CCSER1: variants seen among roughly 807,000 people sequenced by gnomAD.
CCSER1 encodes the protein serine-rich coiled-coil domain-containing protein 1.
In CCSER1, 41 loss-of-function variants were observed where a neutral mutation model predicts 82.0. The observed-to-expected ratio is 0.50, with a 90% CI of 0.39 to 0.65. CCSER1 has a LOEUF of 0.65. Ranked by LOEUF, CCSER1 falls within the 30% of genes least tolerant of loss-of-function variation. CCSER1 has a pLI of 0.00. For synonymous variants in CCSER1, 414 were observed against 383.9 expected, an observed-to-expected ratio of 1.08 and a Z score of -0.92; for missense variants, 1,119 against 1,064.2, an observed-to-expected ratio of 1.05 and a Z score of -0.72.
rs1193013967 is a variant in CCSER1 at position 90,205,395 on chromosome 4, A to G, written c.-42+77564A>G. Among the ~76,000 whole-genome samples, 6 of 152,186 alleles carry G rather than the reference A, an allele frequency of 3.9e-5. No individual in the cohort carries two copies. In the East Asian group the frequency reaches 1.2e-3, roughly 29 times the overall value. On this transcript the variant is annotated intron_variant, in intron 1 of 10. Coordinates refer to ENST00000509176, the MANE Select transcript of CCSER1 (RefSeq NM_001145065.2). ...AATACCTAGTTTATTGAGAGTTTTTAGCATGAAGGGGTGTTGAAGCAGAAA... is the reference window on the plus strand; with the variant it reads ...AATACCTAGTTTATTGAGAGTTTTTGGCATGAAGGGGTGTTGAAGCAGAAA...
chr4:91,056,630 A>G (rs1743471910), intron 9 of CCSER1, among the ~76,000 whole-genome samples: 1 of 152,142 alleles, frequency 6.6e-6, no homozygotes, highest in Non-Finnish European at 1.5e-5. Context: ...TTGGGTGGAG[A>G]CATTCAGATC....
chr4:90,293,819 G>A (rs568149874), intron 1 of CCSER1, among the ~76,000 whole-genome samples: 2 of 151,862 alleles, frequency 1.3e-5, no homozygotes, highest in South Asian at 2.1e-4. Flanking sequence ...TGACAAACTA[G>A]CTTTGAAAGG....
At chr4:91,526,641 A>G (rs893019750) in intron 10 of CCSER1, among the ~76,000 whole-genome samples, 5 of 152,076 alleles carry the variant, frequency 3.3e-5, no homozygotes, top group African/African-American at 7.2e-5. Context: ...GTTTGCTCCT[A>G]TTGCCCAGGC....
intron 1 of CCSER1, among the ~76,000 whole-genome samples, chr4:90,261,353 A>G (rs1724303962): frequency 6.6e-6 from 1 of 152,172 alleles, no homozygotes; most frequent in African/African-American, 2.4e-5. Flanking sequence ...TTCATCATTT[A>G]TGAAGCTAAG....
intron 5 of CCSER1, among the ~76,000 whole-genome samples, chr4:90,620,330 A>G (rs62314384): frequency 0.029 from 4,467 of 152,286 alleles, 90 homozygotes; most frequent in Middle Eastern, 0.068. Flanking sequence ...AGAATTTCAC[A>G]GTCTCTGTGT....
chr4:90,615,339 A>G (rs903277835), intron 5 of CCSER1, among the ~76,000 whole-genome samples: 5 of 152,208 alleles, frequency 3.3e-5, no homozygotes, highest in African/African-American at 1.2e-4. Context: ...TACACGTTGT[A>G]AGGCTAGAGT....
chr4:90,657,028 T>C (rs1729826840), intron 6 of CCSER1, among the ~76,000 whole-genome samples: 1 of 152,062 alleles, frequency 6.6e-6, no homozygotes, highest in Non-Finnish European at 1.5e-5. Context: ...ATATATGCCA[T>C]TTTATTTGAA....
At chr4:90,407,893 AG>A (rs1033160515) in intron 4 of CCSER1, among the ~76,000 whole-genome samples, 24 of 152,256 alleles carry the variant, frequency 1.6e-4, no homozygotes, top group African/African-American at 5.5e-4. Context: ...AGTCAAAGAA[AG>A]GGGTGACAGA....
chr4:90,431,446 T>G (rs186631460), intron 4 of CCSER1, among the ~76,000 whole-genome samples: 15 of 152,128 alleles, frequency 9.9e-5, no homozygotes, highest in African/African-American at 3.1e-4. Context: ...AGAGTCTTAG[T>G]GTGGGGAAAG....
chr4:91,189,777 A>AT (rs1276236478), intron 10 of CCSER1, among the ~76,000 whole-genome samples: 7 of 152,172 alleles, frequency 4.6e-5, no homozygotes, highest in African/African-American at 7.2e-5. Context: ...AGGTATATGG[A>AT]TTTTTTTAAT....
chr4:91,217,204 A>C (rs1486573281), intron 10 of CCSER1, among the ~76,000 whole-genome samples: 2 of 152,126 alleles, frequency 1.3e-5, no homozygotes, highest in Non-Finnish European at 2.9e-5. Flanking sequence ...GGAAAGAACA[A>C]AGCTTCCACA....
rs1009288021 is a variant in CCSER1 at position 91,162,955 on chromosome 4, AT to A, written c.2217+76967del. 5.3e-5 allele frequency among the ~76,000 whole-genome samples: 8 copies of A among 151,282 alleles called. No individual in the cohort carries two copies. In the East Asian group the frequency reaches 1.4e-3, roughly 26 times the overall value. ...CTTCAGTTCTGCTCTGATCTTAGTT[AT>A]TTTTTGCCTTCTGCTCGCTTTTGAA... is the stretch of plus-strand genomic sequence containing the variant. On this transcript the variant is annotated intron_variant, in intron 10 of 10. Transcript: ENST00000509176.
chr4:90,314,673 G>A (rs1295442332), intron 3 of CCSER1, among the ~76,000 whole-genome samples: 1 of 151,826 alleles, frequency 6.6e-6, no homozygotes, highest in Non-Finnish European at 1.5e-5. Flanking sequence ...GATCACTTGG[G>A]TCCAGGAGTT....
chr4:90,547,746 G>T (rs986832757), intron 5 of CCSER1, among the ~76,000 whole-genome samples: 1 of 152,056 alleles, frequency 6.6e-6, no homozygotes, highest in Non-Finnish European at 1.5e-5. Context: ...CTTCGAAAAT[G>T]ATTTCAAATT....
intron 8 of CCSER1, among the ~76,000 whole-genome samples, chr4:90,887,370 A>G (rs1189232789): frequency 6.6e-6 from 1 of 152,142 alleles, no homozygotes; most frequent in Non-Finnish European, 1.5e-5. Context: ...CCTTCTCACC[A>G]TGTGCAAGAA....
intron 7 of CCSER1, among the ~76,000 whole-genome samples, chr4:90,786,893 A>G (rs1158757804): frequency 6.6e-6 from 1 of 152,228 alleles, no homozygotes; most frequent in Non-Finnish European, 1.5e-5. Flanking sequence ...TGAACATCTG[A>G]GTGACCAGCT....
At chr4:90,773,279 C>T (rs981340524) in intron 7 of CCSER1, among the ~76,000 whole-genome samples, 1 of 152,188 alleles carries the variant, frequency 6.6e-6, no homozygotes, top group Non-Finnish European at 1.5e-5. Flanking sequence ...TGTAATACTA[C>T]TGATTGCCCT....
chr4:91,440,624 C>T (rs1267333650), intron 10 of CCSER1, among the ~76,000 whole-genome samples: 2 of 152,036 alleles, frequency 1.3e-5, no homozygotes, highest in Non-Finnish European at 2.9e-5. Context: ...AAAATCAGAG[C>T]AGAACTGAAG....
At chr4:90,848,467 AAGTCT>A (rs1333711355) in intron 8 of CCSER1, among the ~76,000 whole-genome samples, 2 of 152,224 alleles carry the variant, frequency 1.3e-5, no homozygotes, top group African/African-American at 4.8e-5. Context: ...ATAGTGAATG[AAGTCT>A]TTTTTTTCTC....
Sources: gnomAD v4.1 joint callset for allele counts (sites outside exome capture counted in the v4.1 genomes callset) on GRCh38, gnomAD v4.1.1 for gene constraint, MANE v1.5 for transcripts, NCBI Gene and HGNC (gene_info 2026-07-23, HGNC 2026-07-21) for gene names.